Variants in RIMS2 observed in about 807,000 individuals in gnomAD.
RIMS2 encodes the protein regulating synaptic membrane exocytosis 2.
In RIMS2, 59 loss-of-function variants were observed where a neutral mutation model predicts 174.4. The ratio of observed to expected loss-of-function variants is 0.34; its 90% confidence interval spans 0.27 to 0.42. The LOEUF (loss-of-function observed/expected upper bound fraction) is 0.42. RIMS2 is among the 10% of genes least tolerant of loss of function. The pLI, the probability that RIMS2 is intolerant of heterozygous loss-of-function variation, is 1.00. For synonymous variants in RIMS2, 606 were observed against 572.5 expected, an observed-to-expected ratio of 1.06 and a Z score of -0.84; for missense variants, 1,620 against 1,666.3, an observed-to-expected ratio of 0.97 and a Z score of 0.48.
At chr8:104,105,597 T>G (rs1020616498) in intron 19 of RIMS2, among the ~76,000 whole-genome samples, 2 of 152,042 alleles carry the variant, frequency 1.3e-5, no homozygotes, top group Non-Finnish European at 2.9e-5. Flanking sequence ...GGACAGAGTC[T>G]CATTTTGTCA....
At chr8:103,620,756 G>A (rs1041597062) in intron 1 of RIMS2, among the ~76,000 whole-genome samples, 3 of 152,018 alleles carry the variant, frequency 2.0e-5, no homozygotes, top group Non-Finnish European at 2.9e-5. Context: ...GATATTAAGT[G>A]GATTAAATAA....
intron 2 of RIMS2, among the ~76,000 whole-genome samples, chr8:103,722,454 T>G (rs1216885376): frequency 6.6e-6 from 1 of 152,010 alleles, no homozygotes. Context: ...TGGGAGACAG[T>G]GACAGATCAT....
intron 9 of RIMS2, among the ~76,000 whole-genome samples, chr8:103,919,065 T>C (rs1175121506): frequency 6.6e-6 from 1 of 152,164 alleles, no homozygotes; most frequent in Non-Finnish European, 1.5e-5. Context: ...ATTTAAAAAA[T>C]TATTTTGAGT....
At chr8:104,184,543 A>G (rs1223479556) in intron 19 of RIMS2, among the ~76,000 whole-genome samples, 1 of 151,536 alleles carries the variant, frequency 6.6e-6, no homozygotes, top group African/African-American at 2.4e-5. Context: ...ATTCGCCATA[A>G]TATCCTTTCT....
intron 19 of RIMS2, among the ~76,000 whole-genome samples, chr8:104,166,059 C>CT (rs560648211): frequency 0.032 from 3,128 of 97,780 alleles, 67 homozygotes; most frequent in Middle Eastern, 0.1. Context: ...TTTTGGATTT[C>CT]TTTTTTTTTT....
chr8:103,690,065 A>T (rs145536411), intron 1 of RIMS2, among the ~76,000 whole-genome samples: 1,533 of 150,354 alleles, frequency 0.01, 29 homozygotes, highest in African/African-American at 0.036. Context: ...GGTTCAAGTG[A>T]TTCTACTGCC....
At chr8:103,787,029 C>A (rs919313746) in intron 3 of RIMS2, among the ~76,000 whole-genome samples, 1 of 149,970 alleles carries the variant, frequency 6.7e-6, no homozygotes, top group Non-Finnish European at 1.5e-5. Flanking sequence ...TATGTAATGG[C>A]CTTCTTTGTC....
chr8:103,641,624 G>C (rs2096232554), intron 1 of RIMS2, among the ~76,000 whole-genome samples: 1 of 152,076 alleles, frequency 6.6e-6, no homozygotes, highest in African/African-American at 2.4e-5. Flanking sequence ...AGAGCCTAAT[G>C]TGAGGTGTTT....
chr8:104,130,086 C>A (rs2098462367), intron 19 of RIMS2, among the ~76,000 whole-genome samples: 1 of 152,018 alleles, frequency 6.6e-6, no homozygotes, highest in Admixed American at 6.6e-5. Context: ...TCAATAAATT[C>A]TTTCTTTAGA....
At chr8:103,993,660 G>A (rs776082463) in intron 17 of RIMS2, among the ~76,000 whole-genome samples, 31 of 151,854 alleles carry the variant, frequency 2.0e-4, no homozygotes, top group Admixed American at 3.3e-4. Context: ...GCTGTATTTC[G>A]GAAACATTTT....
rs765015367 is a variant in RIMS2 at position 103,989,347 on chromosome 8, C to T, written c.2970C>T (p.Thr990=). ...GGCTTCGAGGGACCCGCACTATGAC[C>T]GGACATTATAATACAATTAGCCGAA... Residue 990 remains threonine, a synonymous_variant, in exon 17 of 24, where the codon ACC becomes ACT. Coordinates refer to ENST00000504942, the Ensembl canonical transcript of RIMS2. 5.3e-5 allele frequency: 86 copies of T among 1,613,346 alleles called. 5 individuals are homozygous for T. The South Asian group carries it at 9.0e-4, about 17-fold the overall frequency.
intron 1 of RIMS2, among the ~76,000 whole-genome samples, chr8:103,594,124 C>T (rs570717080): frequency 2.4e-4 from 36 of 151,592 alleles, no homozygotes; most frequent in Non-Finnish European, 4.1e-4. Flanking sequence ...ATGTGCAGAA[C>T]AGTGAAAAAT....
intron 14 of RIMS2, among the ~76,000 whole-genome samples, chr8:103,947,097 T>A (rs1278084199): frequency 6.6e-6 from 1 of 152,116 alleles, no homozygotes; most frequent in Non-Finnish European, 1.5e-5. Flanking sequence ...ACACAAAAAT[T>A]AACTTAAAAT....
chr8:104,227,931 A>C (rs1011858233), intron 19 of RIMS2, among the ~76,000 whole-genome samples: 5 of 152,164 alleles, frequency 3.3e-5, no homozygotes, highest in Non-Finnish European at 7.4e-5. Context: ...TGCATGTGAT[A>C]GTGAAGCTAT....
At chr8:104,138,774 G>A (rs1346252457) in intron 19 of RIMS2, among the ~76,000 whole-genome samples, 1 of 152,072 alleles carries the variant, frequency 6.6e-6, no homozygotes, top group Non-Finnish European at 1.5e-5. Context: ...AACCTGATGT[G>A]ATCCCATTTG....
chr8:103,995,474 G>A (rs968408604), intron 17 of RIMS2, among the ~76,000 whole-genome samples: 1 of 151,992 alleles, frequency 6.6e-6, no homozygotes, highest in African/African-American at 2.4e-5. Flanking sequence ...TGGAGACAGA[G>A]GGAGAATGGT....
At chr8:103,810,842 G>T (rs1345011518) in intron 3 of RIMS2, among the ~76,000 whole-genome samples, 2 of 152,136 alleles carry the variant, frequency 1.3e-5, no homozygotes, top group Admixed American at 1.3e-4. Flanking sequence ...TTATATGAAA[G>T]AAAGGAATTA....
rs542649067 is a variant in RIMS2 at position 104,136,343 on chromosome 8, G to A, written c.3335-108573G>A. 2.0e-5 allele frequency among the ~76,000 whole-genome samples: 3 copies of A among 152,260 alleles called. No homozygotes were observed. In the South Asian group the frequency reaches 6.2e-4, roughly 32 times the overall value. Reference sequence around the variant, plus strand: ...GGAAAGTCTACATTTTGGAGTTTTGGAATGTTTTCTAGGGATAATCTAAGG... The same window carrying A: ...GGAAAGTCTACATTTTGGAGTTTTGAAATGTTTTCTAGGGATAATCTAAGG... On this transcript the variant is annotated intron_variant, in intron 19 of 23. Transcript: ENST00000504942.
At chr8:103,658,654 C>T (rs2096560234) in intron 1 of RIMS2, among the ~76,000 whole-genome samples, 1 of 152,138 alleles carries the variant, frequency 6.6e-6, no homozygotes, top group South Asian at 2.1e-4. Context: ...AGTTGTGAAA[C>T]ATGAATTCAA....
Sources: allele counts gnomAD v4.1 joint callset (sites outside exome capture counted in the v4.1 genomes callset), GRCh38; gene constraint gnomAD v4.1.1; transcripts MANE v1.5; gene names NCBI Gene and HGNC (gene_info 2026-07-23, HGNC 2026-07-21).